The following OSGIN1 variants were observed in gnomAD, a reference collection of about 807,000 sequenced individuals.
OSGIN1 encodes the protein oxidative stress-induced growth inhibitor 1.
A neutral mutation model predicts 20.1 loss-of-function variants in OSGIN1; 19 were observed. That is an observed-to-expected ratio of 0.95 (90% CI 0.66 to 1.39). The LOEUF (loss-of-function observed/expected upper bound fraction) is 1.39, where lower values mean the gene tolerates loss of function less well. Among genes scored for constraint, OSGIN1 ranks in the 40% most tolerant of loss-of-function variants. The pLI is 0.00. For synonymous variants in OSGIN1, 368 were observed against 297.8 expected (o/e 1.24, Z -2.43); for missense variants, 820 against 653.0 (o/e 1.26, Z -2.79).
chr16:83,962,932 A>G (rs1396150430), intron 5 of OSGIN1, among the ~76,000 whole-genome samples: 1 of 152,202 alleles, frequency 6.6e-6, no homozygotes. Flanking sequence ...GGGGGCCCCA[A>G]GATTGATTTG....
At chr16:83,953,491 C>T in intron 1 of OSGIN1, 121 bp downstream of exon 1, 2 of 876,648 alleles carry the variant, frequency 2.3e-6, no homozygotes, top group Non-Finnish European at 3.1e-6. Flanking sequence ...CCCGGGTGGT[C>T]CTGAGTGGAG....
In OSGIN1 at chr16:83,959,265, G is replaced by A. The variant is rs1037321867; in HGVS notation, c.73G>A (p.Gly25Ser). 13 of 1,612,704 alleles carry A rather than the reference G, an allele frequency of 8.1e-6. No individual in the cohort carries two copies. Among genetic ancestry groups the A allele is most frequent in the African/African-American group, 1.3e-5 (1 of 74,802 alleles). ...EPLPVIIVGN[G>S]PSGICLSYLL... ...CCTCCACCCTCTCTCCCCAGGTAAC[G>A]GCCCCTCTGGTATCTGCCTGTCCTA... Residue 25 changes from glycine (G) to serine (S), a missense_variant, in exon 3 of 6, where the codon GGC becomes AGC. Transcript: ENST00000393306.
Position 83,959,283 on chromosome 16 carries a change from C to G in OSGIN1, c.91C>G (p.Leu31Val). 1 of 1,613,748 alleles carries G rather than the reference C, an allele frequency of 6.2e-7. No homozygotes were observed. Among genetic ancestry groups the G allele is most frequent in the Non-Finnish European group, 8.5e-7 (1 of 1,179,922 alleles). The change falls in exon 3 of 6, where the codon CTG becomes GTG. Residue 31 changes from leucine to valine, a missense_variant. By Grantham distance (32) the Leu-to-Val change is conservative. Coordinates refer to ENST00000393306, the MANE Select transcript of OSGIN1 (RefSeq NM_182981.3). ...IVGNGPSGICLSYLLSGYTPY... is the reference protein window; with the variant it reads ...IVGNGPSGICVSYLLSGYTPY... ...AGGTAACGGCCCCTCTGGTATCTGC[C>G]TGTCCTACCTGCTCTCCGGCTACAC...
At chr16:83,953,717 A>G (rs960417526) in intron 1 of OSGIN1, among the ~76,000 whole-genome samples, 1 of 152,200 alleles carries the variant, frequency 6.6e-6, no homozygotes, top group East Asian at 1.9e-4. Context: ...TTCCAAGGCC[A>G]CTGGGTCGGC....
chr16:83,956,778 G>T (rs528809814), intron 1 of OSGIN1, among the ~76,000 whole-genome samples: 43 of 152,218 alleles, frequency 2.8e-4, no homozygotes, highest in Non-Finnish European at 4.9e-4. Context: ...GTTGCCTTGT[G>T]GTCCTCAGGA....
intron 5 of OSGIN1, 28 bp downstream of exon 5, chr16:83,961,100 G>C (rs552364463): frequency 6.4e-7 from 1 of 1,564,304 alleles, no homozygotes; most frequent in Admixed American, 1.7e-5. Flanking sequence ...CGCCTTGGGG[G>C]ACACGGAAGG....
chr16:83,957,857 T>A (rs1212733052), intron 2 of OSGIN1, 119 bp downstream of exon 2: 1 of 407,878 alleles, frequency 2.5e-6, no homozygotes, highest in Non-Finnish European at 4.4e-6. Context: ...TTGGGGTTTA[T>A]TTTTTATTTA....
chr16:83,958,065 T>A (rs1049299865), intron 2 of OSGIN1, among the ~76,000 whole-genome samples: 1 of 152,072 alleles, frequency 6.6e-6, no homozygotes, highest in Middle Eastern at 3.4e-3. Flanking sequence ...TTAGTAGAGA[T>A]GGGGTTTCGC....
chr16:83,963,654 GC>G (rs2084241780), intron 5 of OSGIN1, among the ~76,000 whole-genome samples: 1 of 152,118 alleles, frequency 6.6e-6, no homozygotes, highest in African/African-American at 2.4e-5. Flanking sequence ...TCGCAGACGG[GC>G]TGCGCTGGGT....
rs1268197324 is a variant in OSGIN1, at chr16:83,953,383, G to T, written c.-33+13G>T. The T allele has an allele frequency of 4.7e-6, 6 of 1,288,548 alleles. No homozygotes were observed. Among genetic ancestry groups the T allele is most frequent in the Non-Finnish European group, 5.1e-6 (5 of 988,322 alleles). 79.8% of individuals were successfully genotyped at this position (1,288,548 alleles called of 1,614,324 possible). A position where few individuals can be genotyped will look rare whatever the true frequency, so the allele number is the denominator to read the frequency against. Reference sequence around the variant, plus strand: ...CACTGCCTGTCAGGTGAGTGTCCGGGGCCAGGTTCCGGGGCAGGGAATCAG... The same window carrying T: ...CACTGCCTGTCAGGTGAGTGTCCGGTGCCAGGTTCCGGGGCAGGGAATCAG... On this transcript the variant is annotated intron_variant, in intron 1 of 5. Coordinates refer to ENST00000393306, the MANE Select transcript of OSGIN1 (RefSeq NM_182981.3).
chr16:83,958,427 T>C (rs1650187704), intron 2 of OSGIN1, among the ~76,000 whole-genome samples: 1 of 152,178 alleles, frequency 6.6e-6, no homozygotes, highest in African/African-American at 2.4e-5. Context: ...GGACACACAG[T>C]AGCGGCTTAT....
Position 83,960,557 on chromosome 16 carries a change from G to A in OSGIN1, c.205-12G>A, listed in dbSNP as rs770726904. 6.2e-7 allele frequency: 1 copy of A among 1,610,598 alleles called. No individual in the cohort carries two copies. Among genetic ancestry groups the A allele is most frequent in the South Asian group, 1.1e-5 (1 of 90,904 alleles). ...TCCTCCAGCAGCCCCTCTGACCTATGCCCCCCTCCAGGACCTGGACTACCT... is the reference window on the plus strand; with the variant it reads ...TCCTCCAGCAGCCCCTCTGACCTATACCCCCCTCCAGGACCTGGACTACCT... On this transcript the variant is annotated splice_polypyrimidine_tract_variant and intron_variant, in intron 3 of 5. Coordinates refer to ENST00000393306, the MANE Select transcript of OSGIN1 (RefSeq NM_182981.3).
At chr16:83,964,682 C>T (rs936545505) in intron 5 of OSGIN1, among the ~76,000 whole-genome samples, 16 of 152,208 alleles carry the variant, frequency 1.1e-4, no homozygotes, top group African/African-American at 3.6e-4. Context: ...ATCCTCCCCA[C>T]GACCTCACGA....
chr16:83,960,878 C>T, intron 4 of OSGIN1, 103 bp from the exon 5 acceptor site: 1 of 1,485,698 alleles, frequency 6.7e-7, no homozygotes, highest in Non-Finnish European at 9.3e-7. Context: ...CCTGCCTCTC[C>T]CTCCTCCCTC....
At chr16:83,959,659 T>C (rs1297318148) in intron 3 of OSGIN1, among the ~76,000 whole-genome samples, 1 of 152,156 alleles carries the variant, frequency 6.6e-6, no homozygotes, top group African/African-American at 2.4e-5. Flanking sequence ...CACCTGGCAA[T>C]GTCTGGAGAC....
chr16:83,958,980 G>A (rs1198342418), intron 2 of OSGIN1, among the ~76,000 whole-genome samples: 2 of 152,192 alleles, frequency 1.3e-5, no homozygotes, highest in Non-Finnish European at 2.9e-5. Context: ...ATAAAAGGAG[G>A]AAAAGAGTGG....
In OSGIN1 at chr16:83,966,270, C is replaced by T; in HGVS notation, c.*263C>T. ...TGGTGTGACCAGCTGAGCACCCAGCCAGGAGACCTGCAGCCCTGCGCCTTC... is the reference window on the plus strand; with the variant it reads ...TGGTGTGACCAGCTGAGCACCCAGCTAGGAGACCTGCAGCCCTGCGCCTTC... On this transcript the variant is annotated 3_prime_UTR_variant, in exon 6 of 6. Coordinates refer to ENST00000393306, the MANE Select transcript of OSGIN1 (RefSeq NM_182981.3). 1.9e-6 allele frequency: 1 copy of T among 513,174 alleles called. No individual in the cohort carries two copies. The highest frequency in any genetic ancestry group is 3.4e-6 in the Non-Finnish European group (1 of 293,324). The allele number at this position is 513,174 out of a possible 1,614,324, so 31.8% of individuals were successfully genotyped here. A position where few individuals can be genotyped will look rare whatever the true frequency, so the allele number is the denominator to read the frequency against.
chr16:83,964,381 G>A (rs2084252401), intron 5 of OSGIN1, among the ~76,000 whole-genome samples: 1 of 152,078 alleles, frequency 6.6e-6, no homozygotes, highest in Non-Finnish European at 1.5e-5. Flanking sequence ...TAACTCCTGT[G>A]AGTACAGGTT....
chr16:83,966,258 T>C lies in OSGIN1; in HGVS notation c.*251T>C. On this transcript the variant is annotated 3_prime_UTR_variant, in exon 6 of 6. Transcript: ENST00000393306. ...GGGGAAAGCTGCTGGTGTGACCAGC[T>C]GAGCACCCAGCCAGGAGACCTGCAG... The C allele has an allele frequency of 1.9e-6, 1 of 525,014 alleles. No individual in the cohort carries two copies. Among genetic ancestry groups the C allele is most frequent in the Non-Finnish European group, 3.3e-6 (1 of 300,602 alleles). 32.5% of individuals were successfully genotyped at this position (525,014 alleles called of 1,614,324 possible). A position where few individuals can be genotyped will look rare whatever the true frequency, so the allele number is the denominator to read the frequency against.
Sources: gnomAD v4.1 joint callset for allele counts (sites outside exome capture counted in the v4.1 genomes callset) on GRCh38, gnomAD v4.1.1 for gene constraint, MANE v1.5 for transcripts, NCBI Gene and HGNC (gene_info 2026-07-23, HGNC 2026-07-21) for gene names.